SGCD: variants seen among roughly 807,000 people sequenced by gnomAD.
SGCD encodes delta-sarcoglycan.
A neutral mutation model predicts 36.6 loss-of-function variants in SGCD; 18 were observed. That is an observed-to-expected ratio of 0.49 (90% confidence interval 0.34 to 0.73). SGCD has a LOEUF of 0.73. Among genes scored for constraint, SGCD ranks in the 30% least tolerant of loss-of-function variants. The pLI is 0.01. For missense variants in SGCD, 387 were observed against 346.7 expected, an observed-to-expected ratio of 1.12 and a Z score of -0.92; for synonymous variants, 133 against 130.6, an observed-to-expected ratio of 1.02 and a Z score of -0.12.
intron 3 of SGCD, among the ~76,000 whole-genome samples, chr5:156,473,587 CTG>C (rs1405103592): frequency 2.0e-5 from 3 of 152,176 alleles, no homozygotes; most frequent in African/African-American, 7.2e-5. Context: ...GAGGGGACTA[CTG>C]TGTGTTTTTT....
At chr5:156,379,004 A>C (rs1327662288) in intron 3 of SGCD, among the ~76,000 whole-genome samples, 1 of 152,176 alleles carries the variant, frequency 6.6e-6, no homozygotes, top group East Asian at 1.9e-4. Context: ...GTTTGCATCT[A>C]CTTCCATTTC....
chr5:156,290,214 A>G (rs907137149), intron 3 of SGCD, among the ~76,000 whole-genome samples: 1 of 152,122 alleles, frequency 6.6e-6, no homozygotes, highest in Non-Finnish European at 1.5e-5. Flanking sequence ...GAGAACACTG[A>G]GACAGAGAAA....
chr5:156,687,149 G>A (rs1296046124), intron 7 of SGCD, among the ~76,000 whole-genome samples: 1 of 152,204 alleles, frequency 6.6e-6, no homozygotes, highest in Non-Finnish European at 1.5e-5. Context: ...TGGGAAGACA[G>A]ATTAAGCAGA....
At chr5:156,228,157 C>G (rs2127649351) in intron 3 of SGCD, among the ~76,000 whole-genome samples, 1 of 152,168 alleles carries the variant, frequency 6.6e-6, no homozygotes, top group African/African-American at 2.4e-5. Context: ...TCTGTTAAGT[C>G]TATTTGTATC....
At chr5:156,190,620 T>G (rs563263611) in intron 3 of SGCD, among the ~76,000 whole-genome samples, 2 of 152,240 alleles carry the variant, frequency 1.3e-5, no homozygotes, top group South Asian at 2.1e-4. Flanking sequence ...GACAAAAATA[T>G]CTACTCTTGT....
chr5:155,841,669 A>G, the SGCD span, among the ~76,000 whole-genome samples: 1 of 152,044 alleles, frequency 6.6e-6, no homozygotes, highest in African/African-American at 2.4e-5. Flanking sequence ...CTAGTATGCC[A>G]TTTCTGAAAG....
At chr5:156,315,106 A>C (rs1170942500) in intron 3 of SGCD, among the ~76,000 whole-genome samples, 1 of 151,952 alleles carries the variant, frequency 6.6e-6, no homozygotes, top group Admixed American at 6.6e-5. Flanking sequence ...AAGGACAGAA[A>C]GCATTATTAT....
At chr5:156,350,101 G>T (rs1010646751) in intron 3 of SGCD, among the ~76,000 whole-genome samples, 1 of 151,128 alleles carries the variant, frequency 6.6e-6, no homozygotes, top group Non-Finnish European at 1.5e-5. Context: ...GGTGGGAAGG[G>T]GATGATGAAG....
At chr5:156,223,968 C>T (rs1247301417) in intron 3 of SGCD, among the ~76,000 whole-genome samples, 2 of 151,748 alleles carry the variant, frequency 1.3e-5, no homozygotes, top group Non-Finnish European at 2.9e-5. Flanking sequence ...CAATTATGAT[C>T]TATATCTTCT....
intron 1 of SGCD, among the ~76,000 whole-genome samples, chr5:156,091,610 G>T (rs887623020): frequency 2.0e-5 from 3 of 152,218 alleles, no homozygotes; most frequent in African/African-American, 7.2e-5. Context: ...GGAATAGACT[G>T]CACTAAAGAT....
the SGCD span, among the ~76,000 whole-genome samples, chr5:155,862,265 T>C: frequency 1.3e-5 from 2 of 152,304 alleles, no homozygotes; most frequent in South Asian, 4.2e-4. Flanking sequence ...ATAGATACTT[T>C]TCCTAAATAT....
intron 1 of SGCD, among the ~76,000 whole-genome samples, chr5:156,021,552 T>C (rs1322959850): frequency 6.6e-6 from 1 of 152,162 alleles, no homozygotes; most frequent in African/African-American, 2.4e-5. Flanking sequence ...TAAATAAACA[T>C]GCAGGTGTAT....
chr5:156,228,335 T>C (rs951980002), intron 3 of SGCD, among the ~76,000 whole-genome samples: 1 of 152,140 alleles, frequency 6.6e-6, no homozygotes, highest in African/African-American at 2.4e-5. Context: ...GTTAGGTGCA[T>C]ATATGTTTAG....
chr5:155,851,197 C>T, the SGCD span, among the ~76,000 whole-genome samples: 4 of 152,080 alleles, frequency 2.6e-5, no homozygotes, highest in African/African-American at 7.2e-5. Flanking sequence ...ATGAATATGG[C>T]GACATGCAGT....
At chr5:155,850,618 G>T in the SGCD span, among the ~76,000 whole-genome samples, 1 of 152,206 alleles carries the variant, frequency 6.6e-6, no homozygotes, top group Non-Finnish European at 1.5e-5. Flanking sequence ...CTAGGGAGCA[G>T]CTGCACAAAC....
intron 3 of SGCD, among the ~76,000 whole-genome samples, chr5:156,480,007 G>T (rs1755353173): frequency 6.6e-6 from 1 of 152,226 alleles, no homozygotes; most frequent in South Asian, 2.1e-4. Flanking sequence ...CAGCCCTCCA[G>T]CTGTCTTGGC....
At chr5:156,607,120 T>C (rs905308589) in intron 6 of SGCD, among the ~76,000 whole-genome samples, 6 of 152,224 alleles carry the variant, frequency 3.9e-5, no homozygotes, top group African/African-American at 1.4e-4. Flanking sequence ...CCCTGTCTTG[T>C]GCCAGTTTTC....
intron 3 of SGCD, among the ~76,000 whole-genome samples, chr5:156,473,625 T>A (rs1219106313): frequency 6.6e-6 from 1 of 152,222 alleles, no homozygotes; most frequent in Non-Finnish European, 1.5e-5. Flanking sequence ...TGAAAGAGAT[T>A]GTAAACTCCT....
intron 2 of SGCD, among the ~76,000 whole-genome samples, chr5:156,120,492 T>G (rs750638339): frequency 6.6e-6 from 1 of 152,112 alleles, no homozygotes; most frequent in Non-Finnish European, 1.5e-5. Flanking sequence ...TTAATGAAGG[T>G]AGGAATAAAG....
Sources: allele counts gnomAD v4.1 joint callset (sites outside exome capture counted in the v4.1 genomes callset), GRCh38; gene constraint gnomAD v4.1.1; transcripts MANE v1.5; gene names NCBI Gene and HGNC (gene_info 2026-07-23, HGNC 2026-07-21).